Variants in NDST4 observed in about 807,000 individuals in gnomAD.
NDST4 encodes N-heparan sulfate sulfotransferase 4.
A neutral mutation model predicts 100.8 loss-of-function variants in NDST4; 63 were observed. The observed-to-expected ratio is 0.62, with a 90% confidence interval of 0.51 to 0.77. NDST4 has a LOEUF of 0.77. NDST4 is among the 30% of genes least tolerant of loss of function. NDST4 has a pLI of 0.00. For missense variants in NDST4, 943 were observed against 1,018.4 expected (o/e 0.93, Z 1.01); for synonymous variants, 377 against 361.8 (o/e 1.04, Z -0.48).
At position 114,845,994 on chromosome 4, in the gene NDST4, A is replaced by G. The variant is rs1353346677; in HGVS notation, c.1944T>C (p.Tyr648=). Residue 648 remains tyrosine (Y), a synonymous_variant, in exon 10 of 14, where the codon TAT becomes TAC. Transcript: ENST00000264363. The part of the protein sequence containing the change: ...GNNYHKGIDW[Y]MDFFPTPSNT... Reference sequence around the variant, plus strand: ...TGGATGGTGTAGGGAAAAAGTCCATATACCTGAAGGCAGAGAAAGACAATT... The same window carrying G: ...TGGATGGTGTAGGGAAAAAGTCCATGTACCTGAAGGCAGAGAAAGACAATT... 6.3e-7 allele frequency: 1 copy of G among 1,591,952 alleles called. No individual in the cohort carries two copies. Among genetic ancestry groups the G allele is most frequent in the Admixed American group, 1.7e-5 (1 of 59,024 alleles).
At chr4:115,047,796 T>C (rs1032268158) in intron 2 of NDST4, among the ~76,000 whole-genome samples, 5 of 152,170 alleles carry the variant, frequency 3.3e-5, no homozygotes, top group Non-Finnish European at 7.4e-5. Context: ...TCTATGTACC[T>C]ATATCCTTAT....
chr4:115,018,429 G>T (rs1307725609), intron 2 of NDST4, among the ~76,000 whole-genome samples: 1 of 151,810 alleles, frequency 6.6e-6, no homozygotes, highest in Admixed American at 6.6e-5. Flanking sequence ...TTAATAATAT[G>T]TATTTTAATA....
chr4:114,997,970 C>T (rs1185356201), intron 2 of NDST4, among the ~76,000 whole-genome samples: 1 of 152,008 alleles, frequency 6.6e-6, no homozygotes, highest in Non-Finnish European at 1.5e-5. Context: ...TATATGTAGT[C>T]TATGATACAC....
chr4:114,909,847 T>C (rs896860647), intron 6 of NDST4, among the ~76,000 whole-genome samples: 2 of 152,178 alleles, frequency 1.3e-5, no homozygotes, highest in East Asian at 1.9e-4. Context: ...TAGCAAGATA[T>C]GTTATTTAAA....
At chr4:114,873,634 G>A (rs1049742234) in intron 6 of NDST4, among the ~76,000 whole-genome samples, 1 of 151,830 alleles carries the variant, frequency 6.6e-6, no homozygotes, top group South Asian at 2.1e-4. Context: ...AACATAGCAT[G>A]GTATCAGTAG....
chr4:114,839,060 G>A (rs894079045), intron 11 of NDST4, among the ~76,000 whole-genome samples: 7 of 152,114 alleles, frequency 4.6e-5, no homozygotes, highest in Admixed American at 3.9e-4. Context: ...TAAATCACAT[G>A]ATGTCTCCTG....
intron 2 of NDST4, among the ~76,000 whole-genome samples, chr4:114,988,538 T>C (rs567451972): frequency 6.6e-6 from 1 of 151,600 alleles, no homozygotes; most frequent in Non-Finnish European, 1.5e-5. Context: ...ATTTTTTGTA[T>C]TTTTAGTAGA....
intron 7 of NDST4, among the ~76,000 whole-genome samples, chr4:114,857,960 C>A (rs1026469583): frequency 2.0e-5 from 3 of 152,040 alleles, no homozygotes; most frequent in Non-Finnish European, 4.4e-5. Context: ...GAGGCCCTGA[C>A]AACCAAGAGA....
Position 114,899,487 on chromosome 4 carries a change from A to G in NDST4, c.1537-28537T>C, listed in dbSNP as rs72681409. On this transcript the variant is annotated intron_variant, in intron 6 of 13. Transcript: ENST00000264363. ...ACACCACGCCCAGCCTAGATTTTTT[A>G]TATTAAGTTGAGAAAGTCTCAATCT... Among the ~76,000 whole-genome samples the G allele has an allele frequency of 9.8e-3, 1,493 of 152,058 alleles. 22 individuals carry two copies. The highest frequency in any genetic ancestry group is 0.022 in the Admixed American group (334 of 15,276).
rs200801455 is a variant in NDST4 at position 115,013,346 on chromosome 4, CAT to C, written c.979-36074_979-36073del. ...ATGTACTCCATAAAAATATAAATACCATATATATATATATATATATATATACA... is the reference window on the plus strand; with the variant it reads ...ATGTACTCCATAAAAATATAAATACCATATATATATATATATATATATACA... On this transcript the variant is annotated intron_variant, in intron 2 of 13. Transcript: ENST00000264363. 8.9e-3 allele frequency among the ~76,000 whole-genome samples: 582 copies of C among 65,356 alleles called. 21 individuals are homozygous for C. Among genetic ancestry groups the C allele is most frequent in the Middle Eastern group, 0.011 (1 of 90 alleles). The allele number at this position is 65,356 out of a possible 152,430, so 42.9% of individuals were successfully genotyped here. A position where few individuals can be genotyped will look rare whatever the true frequency, so the allele number is the denominator to read the frequency against.
chr4:115,099,558 G>T (rs1729689098), intron 1 of NDST4, among the ~76,000 whole-genome samples: 1 of 152,124 alleles, frequency 6.6e-6, no homozygotes, highest in Non-Finnish European at 1.5e-5. Flanking sequence ...TAGGATATGA[G>T]AAGATGGTAC....
chr4:115,058,492 T>C (rs556597453), intron 2 of NDST4, among the ~76,000 whole-genome samples: 1 of 152,284 alleles, frequency 6.6e-6, no homozygotes, highest in African/African-American at 2.4e-5. Context: ...TTTATCTCCT[T>C]TCCATGTGCT....
intron 6 of NDST4, among the ~76,000 whole-genome samples, chr4:114,915,363 C>T (rs930949587): frequency 6.6e-6 from 1 of 152,164 alleles, no homozygotes; most frequent in African/African-American, 2.4e-5. Flanking sequence ...TATCCCCCCA[C>T]TTACACCAGG....
chr4:115,082,552 A>G (rs1345179073), intron 1 of NDST4, among the ~76,000 whole-genome samples: 1 of 152,198 alleles, frequency 6.6e-6, no homozygotes, highest in African/African-American at 2.4e-5. Flanking sequence ...AGATCACTAA[A>G]GAGGCTCCTG....
At chr4:114,889,388 C>T (rs934520811) in intron 6 of NDST4, among the ~76,000 whole-genome samples, 4 of 151,996 alleles carry the variant, frequency 2.6e-5, no homozygotes, top group Admixed American at 1.3e-4. Flanking sequence ...AGATGTCAAA[C>T]GAAGAAGTGG....
intron 2 of NDST4, among the ~76,000 whole-genome samples, chr4:115,036,904 C>T (rs1401063233): frequency 6.6e-6 from 1 of 151,746 alleles, no homozygotes; most frequent in African/African-American, 2.4e-5. Context: ...TATTTATCTG[C>T]AAATAAAATG....
At chr4:114,852,353 C>T (rs576746092) in intron 8 of NDST4, among the ~76,000 whole-genome samples, 4 of 152,090 alleles carry the variant, frequency 2.6e-5, no homozygotes, top group South Asian at 2.1e-4. Context: ...TAGTTTGAAT[C>T]GGGCCAAAAC....
chr4:114,861,059 A>G lies in NDST4; in HGVS notation c.1720-8238T>C, dbSNP rs147609888. On this transcript the variant is annotated intron_variant, in intron 7 of 13. Transcript: ENST00000264363. ...ATTGCCAACATCAACTTAATGCTTC[A>G]GTTATACTGTATTCACTACTGTAGA... is the stretch of plus-strand genomic sequence containing the variant. Among the ~76,000 whole-genome samples, 11 of 152,340 alleles carry G rather than the reference A, an allele frequency of 7.2e-5. No homozygotes were observed. The East Asian group carries it at 2.1e-3, about 29-fold the overall frequency.
chr4:115,063,597 T>C (rs1355180101), intron 2 of NDST4, among the ~76,000 whole-genome samples: 1 of 151,510 alleles, frequency 6.6e-6, no homozygotes, highest in Admixed American at 6.6e-5. Context: ...GCTATCATAA[T>C]AGGAACACAG....
Sources: allele counts gnomAD v4.1 joint callset (sites outside exome capture counted in the v4.1 genomes callset), GRCh38; gene constraint gnomAD v4.1.1; transcripts MANE v1.5; gene names NCBI Gene and HGNC (gene_info 2026-07-23, HGNC 2026-07-21).